Variants in FAM135B observed in about 807,000 individuals in gnomAD.
The protein encoded by FAM135B is protein FAM135B.
A neutral mutation model predicts 127.7 loss-of-function variants in FAM135B; 43 were observed. The ratio of observed to expected loss-of-function variants is 0.34; its 90% CI spans 0.26 to 0.43. FAM135B has a LOEUF of 0.43. FAM135B is among the 20% of genes least tolerant of loss of function. FAM135B has a pLI of 1.00. For synonymous variants in FAM135B, 670 were observed against 665.1 expected (o/e 1.01, Z -0.11); for missense variants, 1,558 against 1,725.6 (o/e 0.90, Z 1.72).
At position 138,265,691 on chromosome 8, in the gene FAM135B, T is replaced by G. The variant is rs61703386; in HGVS notation, c.297+12A>C. ...ACAGCTACTTGTGGCTGGTGGTAGATTCATGACTTACCCTTTCACCACCCA... is the reference window on the plus strand; with the variant it reads ...ACAGCTACTTGTGGCTGGTGGTAGAGTCATGACTTACCCTTTCACCACCCA... On this transcript the variant is annotated intron_variant, in intron 4 of 19. Transcript: ENST00000395297. 1 of 1,613,770 alleles carries G rather than the reference T, an allele frequency of 6.2e-7. No individual in the cohort carries two copies. Among genetic ancestry groups the G allele is most frequent in the Non-Finnish European group, 8.5e-7 (1 of 1,179,824 alleles).
At chr8:138,474,097 A>G (rs1418149248) in intron 1 of FAM135B, among the ~76,000 whole-genome samples, 1 of 152,212 alleles carries the variant, frequency 6.6e-6, no homozygotes, top group Non-Finnish European at 1.5e-5. Flanking sequence ...AAACCATTGT[A>G]GAGTCAGCTA....
rs550636709 is a variant in FAM135B at position 138,332,238 on chromosome 8, G to A, written c.78-21318C>T. Among the ~76,000 whole-genome samples, 12 of 152,212 alleles carry A rather than the reference G, an allele frequency of 7.9e-5. No individual in the cohort carries two copies. The South Asian group carries it at 2.3e-3, about 29-fold the overall frequency. On this transcript the variant is annotated intron_variant, in intron 2 of 19. Coordinates refer to ENST00000395297, the MANE Select transcript of FAM135B (RefSeq NM_015912.4). ...CATCAGGACCAGGTAAGGCTATGTG[G>A]ACACCCGCTTCTTCATGAGCCAATT...
chr8:138,362,599 C>T (rs1289351876), intron 2 of FAM135B, among the ~76,000 whole-genome samples: 1 of 152,086 alleles, frequency 6.6e-6, no homozygotes, highest in Non-Finnish European at 1.5e-5. Context: ...AAAAACTTAG[C>T]TTGAGGCCTT....
At chr8:138,378,718 C>T (rs1037198506) in intron 1 of FAM135B, among the ~76,000 whole-genome samples, 6 of 151,480 alleles carry the variant, frequency 4.0e-5, no homozygotes, top group South Asian at 2.1e-4. Context: ...AAATCAAAAC[C>T]GGCTGTGTAT....
intron 3 of FAM135B, among the ~76,000 whole-genome samples, chr8:138,272,568 C>T (rs952213209): frequency 2.0e-5 from 3 of 152,224 alleles, no homozygotes; most frequent in African/African-American, 2.4e-5. Flanking sequence ...CTCATCAACA[C>T]TGAGTGGGCT....
intron 2 of FAM135B, among the ~76,000 whole-genome samples, chr8:138,333,603 C>T (rs1828341004): frequency 6.6e-6 from 1 of 152,192 alleles, no homozygotes; most frequent in African/African-American, 2.4e-5. Context: ...GGCAGGTTTT[C>T]CTTAGCTAGA....
chr8:138,197,429 C>T, intron 8 of FAM135B, 87 bp downstream of exon 8: 1 of 1,494,388 alleles, frequency 6.7e-7, no homozygotes, highest in Non-Finnish European at 9.1e-7. Context: ...GTGACATTTA[C>T]AAAAGCATGC....
chr8:138,321,192 C>A (rs555482903), intron 2 of FAM135B, among the ~76,000 whole-genome samples: 1 of 152,158 alleles, frequency 6.6e-6, no homozygotes, highest in Non-Finnish European at 1.5e-5. Context: ...GAGGCAGGAA[C>A]AGGAGCATCC....
chr8:138,259,672 C>T (rs1183480438), intron 4 of FAM135B, among the ~76,000 whole-genome samples: 2 of 152,184 alleles, frequency 1.3e-5, no homozygotes, highest in Non-Finnish European at 2.9e-5. Context: ...CAGGTTCAAA[C>T]CCTGGCTCTA....
intron 19 of FAM135B, among the ~76,000 whole-genome samples, chr8:138,134,088 C>CCACAGTAAT (rs2130505156): frequency 6.6e-6 from 1 of 152,176 alleles, no homozygotes; most frequent in Admixed American, 6.5e-5. Flanking sequence ...TGAGGTTATG[C>CCACAGTAAT]CACAGTAATT....
In FAM135B at chr8:138,187,325, G is replaced by C. The variant is rs191523992; in HGVS notation, c.873+7933C>G. Among the ~76,000 whole-genome samples the C allele has an allele frequency of 1.6e-4, 25 of 152,328 alleles. No homozygotes were observed. The East Asian group carries it at 4.8e-3, about 29-fold the overall frequency. On this transcript the variant is annotated intron_variant, in intron 9 of 19. Coordinates refer to ENST00000395297, the MANE Select transcript of FAM135B (RefSeq NM_015912.4). ...CAGAGAACCTCTAATAATGAAGCCA[G>C]GCTCCCTCCCTTTTTCATGCCTTTC...
At chr8:138,180,852 A>G (rs781332276) in intron 9 of FAM135B, among the ~76,000 whole-genome samples, 2 of 152,176 alleles carry the variant, frequency 1.3e-5, no homozygotes, top group Non-Finnish European at 2.9e-5. Context: ...TTCTGATGGA[A>G]GCTTTACTTC....
chr8:138,184,340 C>G (rs1195768604), intron 9 of FAM135B, among the ~76,000 whole-genome samples: 1 of 152,176 alleles, frequency 6.6e-6, no homozygotes, highest in Non-Finnish European at 1.5e-5. Flanking sequence ...TGCAGGTGAA[C>G]AGGAACTAGC....
chr8:138,326,608 G>A (rs1827810232), intron 2 of FAM135B, among the ~76,000 whole-genome samples: 1 of 152,114 alleles, frequency 6.6e-6, no homozygotes, highest in Non-Finnish European at 1.5e-5. Context: ...GCAGTCAGAA[G>A]GTGGGAGAAG....
chr8:138,168,069 G>A lies in FAM135B; in HGVS notation c.1104-20C>T, dbSNP rs2130904339. The stretch of plus-strand genomic sequence containing the variant: ...TGTATCCTGGGGAGCACATGGCAGG[G>A]TGAGCGTCCAGGGAAGAGTCAGAGG... On this transcript the variant is annotated intron_variant, in intron 11 of 19. Coordinates refer to ENST00000395297, the MANE Select transcript of FAM135B (RefSeq NM_015912.4). 1 of 1,602,952 alleles carries A rather than the reference G, an allele frequency of 6.2e-7. No homozygotes were observed. Among genetic ancestry groups the A allele is most frequent in the Non-Finnish European group, 8.5e-7 (1 of 1,174,366 alleles).
At chr8:138,137,439 G>T (rs1299482599) in intron 18 of FAM135B, among the ~76,000 whole-genome samples, 179 bp from the exon 19 acceptor site, 1 of 152,122 alleles carries the variant, frequency 6.6e-6, no homozygotes, top group African/African-American at 2.4e-5. Context: ...ACAGCAGATG[G>T]CATAGAGGTA....
chr8:138,339,550 A>G (rs1828895653), intron 2 of FAM135B, among the ~76,000 whole-genome samples: 1 of 151,940 alleles, frequency 6.6e-6, no homozygotes, highest in South Asian at 2.1e-4. Context: ...GTGACATCAG[A>G]AAAAAGGAGA....
At chr8:138,326,746 T>A (rs1421737834) in intron 2 of FAM135B, among the ~76,000 whole-genome samples, 2 of 152,208 alleles carry the variant, frequency 1.3e-5, no homozygotes, top group South Asian at 4.1e-4. Context: ...AGTTTACTAA[T>A]GGTGCATGAC....
intron 1 of FAM135B, among the ~76,000 whole-genome samples, chr8:138,402,192 T>G (rs1188113326): frequency 8.2e-6 from 1 of 122,294 alleles, no homozygotes; most frequent in East Asian, 2.4e-4. Flanking sequence ...CAGCAGTACC[T>G]GGAACACTGC....
Sources: gnomAD v4.1 joint callset for allele counts (sites outside exome capture counted in the v4.1 genomes callset) on GRCh38, gnomAD v4.1.1 for gene constraint, MANE v1.5 for transcripts, NCBI Gene and HGNC (gene_info 2026-07-23, HGNC 2026-07-21) for gene names.